The following JARID2 variants were observed in gnomAD, a reference collection of about 807,000 sequenced individuals.
JARID2 encodes jumonji and AT-rich interaction domain containing 2.
Under a neutral mutation model 125.6 loss-of-function variants are expected in JARID2, and 21 were observed. The observed-to-expected ratio is 0.17, with a 90% CI of 0.12 to 0.24. The LOEUF (loss-of-function observed/expected upper bound fraction) is 0.24, where lower values mean the gene tolerates loss of function less well. Among genes scored for constraint, JARID2 ranks in the 10% least tolerant of loss-of-function variants. The pLI is 1.00. For missense variants in JARID2, 1,303 were observed against 1,639.6 expected (o/e 0.79, Z 3.55); for synonymous variants, 736 against 661.6 (o/e 1.11, Z -1.73).
intron 1 of JARID2, among the ~76,000 whole-genome samples, chr6:15,273,652 G>T (rs1177508509): frequency 1.3e-5 from 2 of 152,252 alleles, no homozygotes; most frequent in African/African-American, 4.8e-5. Flanking sequence ...GGAGAGCCAA[G>T]ATTGTGCCAT....
chr6:15,424,121 C>G (rs185176842), intron 3 of JARID2, among the ~76,000 whole-genome samples: 1 of 150,768 alleles, frequency 6.6e-6, no homozygotes, highest in East Asian at 1.9e-4. Flanking sequence ...ATGTATTCAT[C>G]CCTGGCTGCC....
rs1224543280 is a variant in JARID2, at chr6:15,520,102, G to A, written c.3592G>A (p.Gly1198Ser). 23 of 1,613,440 alleles carry A rather than the reference G, an allele frequency of 1.4e-5. No individual in the cohort carries two copies. The highest frequency in any genetic ancestry group is 1.7e-5 in the Non-Finnish European group (20 of 1,179,800). ...TATCAGTCTGGTCAATCAGATCTGC[G>A]GCAAAGTGTCTGGTAAAAACGGCAG... ...QIISLVNQIC[G>S]KVSGKNGSIE... Residue 1198 changes from glycine (G) to serine (S), a missense_variant, in exon 18 of 18, where the codon GGC becomes AGC. By Grantham distance (56) the Gly-to-Ser change is moderately conservative. This residue lies in a region of JARID2 where 75 missense variants were observed against 66.0 expected (regional missense o/e 1.14). Coordinates refer to ENST00000341776, the MANE Select transcript of JARID2 (RefSeq NM_004973.4).
chr6:15,373,705 G>A (rs184865471), intron 1 of JARID2, among the ~76,000 whole-genome samples: 3 of 152,146 alleles, frequency 2.0e-5, no homozygotes, highest in Admixed American at 6.5e-5. Context: ...TAAGAGCTCC[G>A]TACATATTTC....
intron 2 of JARID2, among the ~76,000 whole-genome samples, chr6:15,388,664 A>G (rs1372690685): frequency 6.6e-6 from 1 of 151,422 alleles, no homozygotes; most frequent in Non-Finnish European, 1.5e-5. Context: ...TATATTCGCC[A>G]GTGACATCCC....
At chr6:15,386,966 TCTGA>T (rs1179173375) in intron 2 of JARID2, among the ~76,000 whole-genome samples, 1 of 152,360 alleles carries the variant, frequency 6.6e-6, no homozygotes, top group Non-Finnish European at 1.5e-5. Flanking sequence ...GAGGCTTCAT[TCTGA>T]CTGTCTTCAG....
chr6:15,452,609 A>G (rs1767969018), intron 4 of JARID2, among the ~76,000 whole-genome samples: 1 of 152,054 alleles, frequency 6.6e-6, no homozygotes, highest in African/African-American at 2.4e-5. Flanking sequence ...GTGATGAGGG[A>G]CTTACGGTTC....
At chr6:15,348,473 T>A (rs866907591) in intron 1 of JARID2, among the ~76,000 whole-genome samples, 5 of 152,336 alleles carry the variant, frequency 3.3e-5, no homozygotes, top group South Asian at 2.1e-4. Context: ...CAGTATTTTT[T>A]AAATTATATT....
At chr6:15,276,163 A>G (rs758981521) in intron 1 of JARID2, among the ~76,000 whole-genome samples, 1 of 152,238 alleles carries the variant, frequency 6.6e-6, no homozygotes, top group Non-Finnish European at 1.5e-5. Context: ...TAAGCTGCCT[A>G]AGTTGACTAA....
chr6:15,373,989 A>G (rs1045919225), intron 1 of JARID2, 128 bp from the exon 2 acceptor site: 2 of 1,017,776 alleles, frequency 2.0e-6, no homozygotes, highest in Admixed American at 4.5e-5. Flanking sequence ...TGTAATTCTG[A>G]CATTGAGAAC....
intron 1 of JARID2, among the ~76,000 whole-genome samples, chr6:15,278,518 G>A (rs868636288): frequency 2.0e-5 from 3 of 151,996 alleles, no homozygotes; most frequent in African/African-American, 4.8e-5. Flanking sequence ...CCCGGGAGGC[G>A]GAGCTTGCAG....
intron 3 of JARID2, among the ~76,000 whole-genome samples, chr6:15,449,789 T>C (rs2127636003): frequency 6.6e-6 from 1 of 152,300 alleles, no homozygotes; most frequent in South Asian, 2.1e-4. Context: ...TTTTGGTGGA[T>C]TGTCAGTTTG....
chr6:15,294,434 C>G (rs1429779472), intron 1 of JARID2, among the ~76,000 whole-genome samples: 1 of 152,166 alleles, frequency 6.6e-6, no homozygotes, highest in Admixed American at 6.5e-5. Context: ...CCTCGTGATC[C>G]GCCCACCTTG....
intron 1 of JARID2, among the ~76,000 whole-genome samples, chr6:15,250,148 T>C (rs928478158): frequency 6.6e-6 from 1 of 152,250 alleles, no homozygotes; most frequent in Non-Finnish European, 1.5e-5. Flanking sequence ...GCAGAATTTG[T>C]ACCACTAGGC....
At chr6:15,334,758 A>T (rs993046651) in intron 1 of JARID2, among the ~76,000 whole-genome samples, 1 of 152,224 alleles carries the variant, frequency 6.6e-6, no homozygotes, top group African/African-American at 2.4e-5. Context: ...TTGAAATTCT[A>T]CACAAAGTCA....
intron 6 of JARID2, among the ~76,000 whole-genome samples, chr6:15,488,752 G>T (rs2142722): frequency 0.011 from 1,695 of 152,008 alleles, 9 homozygotes; most frequent in Non-Finnish European, 0.016. Context: ...GTATGCAGTT[G>T]GGGGGGTGGG....
chr6:15,361,688 C>G (rs1047681430), intron 1 of JARID2, among the ~76,000 whole-genome samples: 1 of 151,974 alleles, frequency 6.6e-6, no homozygotes, highest in Non-Finnish European at 1.5e-5. Context: ...TTCATTAAAC[C>G]CCCAACTGCC....
chr6:15,384,084 G>A (rs1034336984), intron 2 of JARID2, among the ~76,000 whole-genome samples: 10 of 152,098 alleles, frequency 6.6e-5, no homozygotes, highest in African/African-American at 7.2e-5. Context: ...GTGAGCCACC[G>A]TGCCCAACCT....
intron 16 of JARID2, among the ~76,000 whole-genome samples, chr6:15,514,510 A>T (rs1771451277): frequency 6.6e-6 from 1 of 152,096 alleles, no homozygotes; most frequent in Non-Finnish European, 1.5e-5. Flanking sequence ...GTGGGCCAGG[A>T]CTGAGACCCG....
At chr6:15,432,112 A>AC (rs1255672845) in intron 3 of JARID2, among the ~76,000 whole-genome samples, 2 of 151,894 alleles carry the variant, frequency 1.3e-5, no homozygotes, top group Non-Finnish European at 2.9e-5. Context: ...AAAAAAAAAA[A>AC]ACACAGATTT....
Sources: gnomAD v4.1 joint callset for allele counts (sites outside exome capture counted in the v4.1 genomes callset) on GRCh38, gnomAD v4.1.1 for gene constraint, gnomAD v4.1.1 regional missense constraint, MANE v1.5 for transcripts, NCBI Gene and HGNC (gene_info 2026-07-23, HGNC 2026-07-21) for gene names.